EBF3: variants seen among roughly 807,000 people sequenced by gnomAD.
EBF3 encodes the protein EBF transcription factor 3.
In EBF3, 18 loss-of-function variants were observed where a neutral mutation model predicts 77.1. That is an observed-to-expected ratio of 0.23 (90% CI 0.16 to 0.35). The LOEUF (loss-of-function observed/expected upper bound fraction) is 0.35. Among genes scored for constraint, EBF3 ranks in the 10% least tolerant of loss-of-function variants. The pLI, the probability that EBF3 is intolerant of heterozygous loss-of-function variation, is 1.00. For synonymous variants in EBF3, 350 were observed against 343.5 expected (o/e 1.02, Z -0.21); for missense variants, 558 against 860.0 (o/e 0.65, Z 4.39).
rs1271369044 is a variant in EBF3, at chr10:129,842,641, G to A, written c.1195-348C>T. Among the ~76,000 whole-genome samples, 1 of 151,760 alleles carries A rather than the reference G, an allele frequency of 6.6e-6. No individual in the cohort carries two copies. The highest frequency in any genetic ancestry group is 1.5e-5 in the Non-Finnish European group (1 of 68,008). On this transcript the variant is annotated intron_variant, in intron 12 of 16. Coordinates refer to ENST00000440978, the MANE Select transcript of EBF3 (RefSeq NM_001375380.1). The surrounding 1 kb of genome is among the most constrained non-coding windows in gnomAD (Gnocchi z 4.4). ...TAGCCGGGTGTGTTGGCAAACGCCT[G>A]TAATCCCAGCTACTCGGGAGCCTGA...
intron 6 of EBF3, among the ~76,000 whole-genome samples, chr10:129,932,060 T>C (rs998112115): frequency 6.6e-6 from 1 of 152,102 alleles, no homozygotes; most frequent in Admixed American, 6.5e-5. Context: ...GCTCTCTCCT[T>C]ATCTCTCCCA....
intron 11 of EBF3, among the ~76,000 whole-genome samples, chr10:129,847,628 A>C (rs954501824): frequency 6.6e-6 from 1 of 152,220 alleles, no homozygotes; most frequent in Non-Finnish European, 1.5e-5. Context: ...GGAATGTAAA[A>C]CAATCAGCCA....
At chr10:129,869,591 G>A (rs1191764579) in intron 8 of EBF3, among the ~76,000 whole-genome samples, 1 of 152,176 alleles carries the variant, frequency 6.6e-6, no homozygotes, top group African/African-American at 2.4e-5. Context: ...GAGTTTTCCG[G>A]AAGCCCGCGT....
intron 6 of EBF3, among the ~76,000 whole-genome samples, chr10:129,948,011 C>G (rs1470545908): frequency 6.6e-6 from 1 of 152,124 alleles, no homozygotes; most frequent in Non-Finnish European, 1.5e-5. Flanking sequence ...AATCCTAGCA[C>G]TTTGGGAGGC....
chr10:129,889,656 C>T (rs11017002), intron 6 of EBF3, among the ~76,000 whole-genome samples: 1 of 152,178 alleles, frequency 6.6e-6, no homozygotes, highest in African/African-American at 2.4e-5. Flanking sequence ...CGTTCACTTT[C>T]TAATGACCAG....
intron 6 of EBF3, among the ~76,000 whole-genome samples, chr10:129,899,189 G>T (rs949108508): frequency 6.6e-6 from 1 of 152,230 alleles, no homozygotes; most frequent in African/African-American, 2.4e-5. Context: ...GCTTCTGATA[G>T]CGAATGTCCT....
intron 11 of EBF3, among the ~76,000 whole-genome samples, chr10:129,847,753 G>A (rs1198163170): frequency 6.6e-6 from 1 of 152,178 alleles, no homozygotes; most frequent in Non-Finnish European, 1.5e-5. Flanking sequence ...AAAATTATAA[G>A]CTTGACTTGT....
chr10:129,886,182 A>T lies in EBF3; in HGVS notation c.555-8333T>A, dbSNP rs191766830. Among the ~76,000 whole-genome samples, 38 of 152,216 alleles carry T rather than the reference A, an allele frequency of 2.5e-4. No homozygotes were observed. In the East Asian group the frequency reaches 6.8e-3, roughly 27 times the overall value. The stretch of plus-strand genomic sequence containing the variant: ...CATCTTTGTAGGCTGAATTATTAAT[A>T]AAAAAATCACATTTTAAATCAAGCC... On this transcript the variant is annotated intron_variant, in intron 6 of 16. Transcript: ENST00000440978.
intron 11 of EBF3, among the ~76,000 whole-genome samples, chr10:129,846,979 C>T (rs947037949): frequency 6.6e-6 from 1 of 152,114 alleles, no homozygotes; most frequent in African/African-American, 2.4e-5. Flanking sequence ...ATCCAGGCCC[C>T]CAGCCGCCCT....
chr10:129,941,915 A>G (rs921130854), intron 6 of EBF3, among the ~76,000 whole-genome samples: 17 of 152,210 alleles, frequency 1.1e-4, no homozygotes, highest in African/African-American at 2.9e-4. Flanking sequence ...CCCAATCCAG[A>G]CCCACAAGGG....
intron 8 of EBF3, among the ~76,000 whole-genome samples, chr10:129,868,399 T>C (rs1252752379): frequency 6.6e-6 from 1 of 152,220 alleles, no homozygotes; most frequent in East Asian, 1.9e-4. Context: ...CACTCCACAA[T>C]TACTACTTTT....
chr10:129,881,326 T>G (rs909460422), intron 6 of EBF3, among the ~76,000 whole-genome samples: 2 of 152,226 alleles, frequency 1.3e-5, no homozygotes, highest in Non-Finnish European at 2.9e-5. Flanking sequence ...ATGACCATTA[T>G]GTGCACTAAT....
intron 16 of EBF3, 147 bp downstream of exon 16, chr10:129,838,936 C>T (rs1590023984): frequency 9.0e-6 from 6 of 667,988 alleles, no homozygotes; most frequent in South Asian, 1.7e-5. Flanking sequence ...CGGGCAGGGC[C>T]GCGGCACCTC....
At chr10:129,925,942 G>A (rs1856642203) in intron 6 of EBF3, among the ~76,000 whole-genome samples, 1 of 152,152 alleles carries the variant, frequency 6.6e-6, no homozygotes, top group Admixed American at 6.5e-5. Flanking sequence ...GGCCAGTGAA[G>A]ATCTGTGGAA....
chr10:129,938,378 T>TA lies in EBF3; in HGVS notation c.554+18879dup, dbSNP rs71007573. Among the ~76,000 whole-genome samples, 40 of 136,932 alleles carry TA rather than the reference T, an allele frequency of 2.9e-4. No homozygotes were observed. Among genetic ancestry groups the TA allele is most frequent in the East Asian group, 4.3e-4 (2 of 4,660 alleles). 89.8% of individuals were successfully genotyped at this position (136,932 alleles called of 152,430 possible). A position where few individuals can be genotyped will look rare whatever the true frequency, so the allele number is the denominator to read the frequency against. On this transcript the variant is annotated intron_variant, in intron 6 of 16. Coordinates refer to ENST00000440978, the MANE Select transcript of EBF3 (RefSeq NM_001375380.1). The surrounding 1 kb of genome is among the most constrained non-coding windows in gnomAD (Gnocchi z 5.1). ...AACATGGCAAAACCCCATCTCTATTTAAAAAAAAAAAAAAAAAAGACAAAA... is the reference window on the plus strand; with the variant it reads ...AACATGGCAAAACCCCATCTCTATTTAAAAAAAAAAAAAAAAAAAGACAAAA...
chr10:129,867,705 A>G, intron 9 of EBF3, 77 bp downstream of exon 9: 1 of 1,586,732 alleles, frequency 6.3e-7, no homozygotes, highest in Non-Finnish European at 8.6e-7. Flanking sequence ...ACCTTGTGTC[A>G]ATACACTATT....
chr10:129,920,404 C>T (rs140050803), intron 6 of EBF3, among the ~76,000 whole-genome samples: 199 of 152,112 alleles, frequency 1.3e-3, no homozygotes, highest in Admixed American at 2.8e-3. Context: ...ACCCACCCCG[C>T]TGTGTGATCT....
intron 6 of EBF3, among the ~76,000 whole-genome samples, chr10:129,937,583 G>A (rs1016447483): frequency 3.3e-5 from 5 of 152,172 alleles, no homozygotes; most frequent in Admixed American, 6.5e-5. Flanking sequence ...AAGGGCTTAC[G>A]AGCTCAGCCT....
chr10:129,901,032 G>C (rs944962), intron 6 of EBF3, among the ~76,000 whole-genome samples: 1 of 152,084 alleles, frequency 6.6e-6, no homozygotes, highest in Admixed American at 6.5e-5. Flanking sequence ...ATAATTCTTT[G>C]GGCTGGTAAG....
Sources: gnomAD v4.1 joint callset for allele counts (sites outside exome capture counted in the v4.1 genomes callset) on GRCh38, gnomAD v4.1.1 for gene constraint, Gnocchi (gnomAD v3.1) non-coding constraint, MANE v1.5 for transcripts, NCBI Gene and HGNC (gene_info 2026-07-23, HGNC 2026-07-21) for gene names.